PPP1R3A: variants seen among roughly 807,000 people sequenced by gnomAD.
The protein encoded by PPP1R3A is RG1.
In PPP1R3A, 29 loss-of-function variants were observed where a neutral mutation model predicts 41.7. That is an observed-to-expected ratio of 0.70 (90% CI 0.52 to 0.95). PPP1R3A has a LOEUF of 0.95. Ranked by LOEUF, PPP1R3A falls within the 40% of genes least tolerant of loss-of-function variation. PPP1R3A has a pLI of 0.00. For synonymous variants in PPP1R3A, 485 were observed against 453.4 expected (o/e 1.07, Z -0.89); for missense variants, 1,352 against 1,292.4 (o/e 1.05, Z -0.71).
In PPP1R3A at chr7:113,877,797, T is replaced by C; in HGVS notation, c.3295A>G (p.Thr1099Ala). The C allele has an allele frequency of 6.2e-7, 1 of 1,606,370 alleles. No individual in the cohort carries two copies. Among genetic ancestry groups the C allele is most frequent in the Non-Finnish European group, 8.5e-7 (1 of 1,174,854 alleles). ...VYHYDLMIGL[T>A]FYVLSLSWLS... The stretch of plus-strand genomic sequence containing the variant: ...CAGGACAATGACAAAACGTAGAATG[T>C]CAAGCCAATCATTAAGTCATAATGG... The change falls in exon 4 of 4, where the codon ACA becomes GCA. Residue 1099 changes from threonine to alanine, a missense_variant. Thr to Ala is a moderately conservative substitution (Grantham distance 58). Coordinates refer to ENST00000284601, the MANE Select transcript of PPP1R3A (RefSeq NM_002711.4).
At chr7:113,888,398 A>G (rs1253675666) in intron 1 of PPP1R3A, among the ~76,000 whole-genome samples, 1 of 152,144 alleles carries the variant, frequency 6.6e-6, no homozygotes, top group African/African-American at 2.4e-5. Flanking sequence ...ATTAATGAAG[A>G]AAGAGAAAAA....
At chr7:113,913,971 C>A (rs113156361) in intron 1 of PPP1R3A, among the ~76,000 whole-genome samples, 2 of 152,062 alleles carry the variant, frequency 1.3e-5, no homozygotes, top group African/African-American at 4.8e-5. Flanking sequence ...GTTATCGATA[C>A]TGCTGCCTAA....
intron 1 of PPP1R3A, among the ~76,000 whole-genome samples, chr7:113,903,401 C>A (rs76823247): frequency 0.017 from 2,567 of 151,540 alleles, 110 homozygotes; most frequent in East Asian, 0.13. Context: ...AAGGATGAAA[C>A]CCATGTTTTA....
intron 1 of PPP1R3A, among the ~76,000 whole-genome samples, chr7:113,887,266 TAAAAA>T (rs1292207013): frequency 6.6e-6 from 1 of 152,000 alleles, no homozygotes; most frequent in Non-Finnish European, 1.5e-5. Flanking sequence ...TTTTAGAAAT[TAAAAA>T]GTAAAAAAGA....
rs1230915902 is a variant in PPP1R3A, at chr7:113,877,898, T to C, written c.3194A>G (p.Glu1065Gly). ...PVEESQAQGNESLFSKYTNSK... is the reference protein window; with the variant it reads ...PVEESQAQGNGSLFSKYTNSK... ...GTTGGTATATTTTGAAAACAAAGATTCGTTGCCTTGAGCTTGACTTTCCTC... is the reference window on the plus strand; with the variant it reads ...GTTGGTATATTTTGAAAACAAAGATCCGTTGCCTTGAGCTTGACTTTCCTC... Residue 1065 changes from glutamate to glycine, a missense_variant, in exon 4 of 4, where the codon GAA becomes GGA. By Grantham distance (98) the Glu-to-Gly change is moderately conservative. Coordinates refer to ENST00000284601, the MANE Select transcript of PPP1R3A (RefSeq NM_002711.4). The C allele has an allele frequency of 1.2e-6, 2 of 1,612,744 alleles. No homozygotes were observed. The highest frequency in any genetic ancestry group is 1.7e-6 in the Non-Finnish European group (2 of 1,179,060).
At position 113,877,571 on chromosome 7, in the gene PPP1R3A, T is replaced by C. The variant is rs1796587773; in HGVS notation, c.*152A>G. 3.7e-6 allele frequency: 3 copies of C among 814,082 alleles called. No homozygotes were observed. The highest frequency in any genetic ancestry group is 3.4e-5 in the African/African-American group (2 of 58,062). 50.4% of individuals were successfully genotyped at this position (814,082 alleles called of 1,614,324 possible). A position where few individuals can be genotyped will look rare whatever the true frequency, so the allele number is the denominator to read the frequency against. On this transcript the variant is annotated 3_prime_UTR_variant, in exon 4 of 4. Transcript: ENST00000284601. The stretch of plus-strand genomic sequence containing the variant: ...TGGTCCTATATAGAATAATTACTTA[T>C]ATGAAGGAGCAAACTTATTCGCGTC...
intron 1 of PPP1R3A, among the ~76,000 whole-genome samples, chr7:113,910,142 TG>T (rs1797219427): frequency 6.6e-6 from 1 of 151,978 alleles, no homozygotes; most frequent in Non-Finnish European, 1.5e-5. Flanking sequence ...GAGAACAGTA[TG>T]GGGGAACCCA....
chr7:113,907,365 T>A (rs1797164518), intron 1 of PPP1R3A, among the ~76,000 whole-genome samples: 1 of 151,766 alleles, frequency 6.6e-6, no homozygotes, highest in African/African-American at 2.4e-5. Flanking sequence ...GGTTACCTGA[T>A]GAGGCAGCAT....
intron 1 of PPP1R3A, among the ~76,000 whole-genome samples, chr7:113,895,402 T>C (rs1294529329): frequency 6.6e-6 from 1 of 151,920 alleles, no homozygotes; most frequent in Non-Finnish European, 1.5e-5. Flanking sequence ...CCAAAGCAAG[T>C]TAGAATGTTA....
At chr7:113,908,067 A>G (rs1410539844) in intron 1 of PPP1R3A, among the ~76,000 whole-genome samples, 1 of 151,824 alleles carries the variant, frequency 6.6e-6, no homozygotes, top group Non-Finnish European at 1.5e-5. Context: ...AGCAAGTTCC[A>G]TAATATGGAT....
intron 1 of PPP1R3A, among the ~76,000 whole-genome samples, chr7:113,895,486 T>A (rs1796961887): frequency 6.6e-6 from 1 of 151,978 alleles, no homozygotes; most frequent in African/African-American, 2.4e-5. Flanking sequence ...ATTTTTTAGA[T>A]CCTGGGCACA....
chr7:113,898,464 T>C (rs544722946), intron 1 of PPP1R3A, among the ~76,000 whole-genome samples: 1 of 151,660 alleles, frequency 6.6e-6, no homozygotes, highest in Non-Finnish European at 1.5e-5. Context: ...AGGGGCATGG[T>C]AGTGAGAGAG....
intron 1 of PPP1R3A, among the ~76,000 whole-genome samples, chr7:113,891,553 C>T (rs530383705): frequency 6.6e-6 from 1 of 152,120 alleles, no homozygotes; most frequent in Non-Finnish European, 1.5e-5. Flanking sequence ...ATCATTAGAT[C>T]TTCAGTGACA....
chr7:113,902,783 T>C (rs1428182663), intron 1 of PPP1R3A, among the ~76,000 whole-genome samples: 1 of 151,900 alleles, frequency 6.6e-6, no homozygotes, highest in Non-Finnish European at 1.5e-5. Flanking sequence ...ACCTTAGTTG[T>C]TCTTTATACT....
Position 113,880,097 on chromosome 7 carries a change from C to T in PPP1R3A, c.995G>A (p.Ser332Asn). ...ATTCCTTTCATCTCTGGAAGCAGTA[C>T]TTCTGGTTCTTATTAAGTGTTGATT... Reference protein sequence around the residue: ...MINQHLIRTRSTASRDERNTF... With the variant: ...MINQHLIRTRNTASRDERNTF... Residue 332 changes from serine (S) to asparagine (N), a missense_variant, in exon 4 of 4, where the codon AGT becomes AAT. Ser to Asn is a conservative substitution (Grantham distance 46). Coordinates refer to ENST00000284601, the MANE Select transcript of PPP1R3A (RefSeq NM_002711.4). 2 of 1,602,256 alleles carry T rather than the reference C, an allele frequency of 1.2e-6. No homozygotes were observed. Among genetic ancestry groups the T allele is most frequent in the Non-Finnish European group, 1.7e-6 (2 of 1,169,894 alleles).
chr7:113,894,924 G>A (rs1337244821), intron 1 of PPP1R3A, among the ~76,000 whole-genome samples: 3 of 151,920 alleles, frequency 2.0e-5, no homozygotes, highest in Admixed American at 6.6e-5. Flanking sequence ...TATATGTTTG[G>A]AAGAGTTTGG....
rs780623783 is a variant in PPP1R3A at position 113,878,937 on chromosome 7, G to C, written c.2155C>G (p.His719Asp). ...VCCELSSLADHGITEKAEAGT... is the reference protein window; with the variant it reads ...VCCELSSLADDGITEKAEAGT... ...GCTTCTGCTTTCTCAGTAATGCCAT[G>C]ATCAGCTAGAGAAGACAGTTCACAG... Residue 719 changes from histidine to aspartate, a missense_variant, in exon 4 of 4, where the codon CAT becomes GAT. His to Asp is a moderately conservative substitution (Grantham distance 81, BLOSUM62 -1). Coordinates refer to ENST00000284601, the MANE Select transcript of PPP1R3A (RefSeq NM_002711.4). 16 of 1,613,032 alleles carry C rather than the reference G, an allele frequency of 9.9e-6. No homozygotes were observed. In the South Asian group the frequency reaches 1.8e-4, roughly 18 times the overall value.
chr7:113,878,732 AG>A lies in PPP1R3A; in HGVS notation c.2359del (p.Leu787PhefsTer7). 6.2e-7 allele frequency: 1 copy of A among 1,613,436 alleles called. No homozygotes were observed. The highest frequency in any genetic ancestry group is 8.5e-7 in the Non-Finnish European group (1 of 1,179,652). On this transcript the variant is annotated frameshift_variant, in exon 4 of 4. Transcript: ENST00000284601. LOFTEE classifies it low-confidence loss of function (END_TRUNC). ...TACACCTACTGTATCTCGTTGACAA[AG>A]GGTATAATGTGAATCATCATTTCTC... Reference protein sequence around the residue: ...EGRNDDSHYTLCQRDTVGVIY... With the variant: ...EGRNDDSHYTXCQRDTVGVIY...
chr7:113,885,596 C>T (rs1796771017), intron 1 of PPP1R3A, among the ~76,000 whole-genome samples: 2 of 151,612 alleles, frequency 1.3e-5, no homozygotes, highest in Non-Finnish European at 2.9e-5. Context: ...TGAATCAACC[C>T]AAATCAACAG....
Sources: allele counts gnomAD v4.1 joint callset (sites outside exome capture counted in the v4.1 genomes callset), GRCh38; gene constraint gnomAD v4.1.1; transcripts MANE v1.5; gene names NCBI Gene and HGNC (gene_info 2026-07-23, HGNC 2026-07-21).